Variants in TSEN2 observed in about 807,000 individuals in gnomAD.
TSEN2 encodes tRNA splicing endonuclease subunit 2.
In TSEN2, 54 loss-of-function variants were observed where a neutral mutation model predicts 59.2. That is an observed-to-expected ratio of 0.91 (90% confidence interval 0.73 to 1.14). The LOEUF (loss-of-function observed/expected upper bound fraction) is 1.14, where lower values mean the gene tolerates loss of function less well. TSEN2 is among the 50% of genes most tolerant of loss of function. The pLI is 0.00. For synonymous variants in TSEN2, 195 were observed against 198.2 expected (o/e 0.98, Z 0.14); for missense variants, 636 against 576.2 (o/e 1.10, Z -1.06).
chr3:12,530,059 C>A, intron 10 of TSEN2, 186 bp downstream of exon 10: 2 of 1,434,590 alleles, frequency 1.4e-6, no homozygotes, highest in Non-Finnish European at 9.1e-7. Flanking sequence ...GTCCTCCCCT[C>A]ATGTTACATT....
At chr3:12,485,400 G>A (rs969032094) in intron 1 of TSEN2, among the ~76,000 whole-genome samples, 6 of 78 alleles carry the variant, frequency 0.077, no homozygotes, top group Middle Eastern at 0.5. Flanking sequence ...CAGCTCTGGA[G>A]TCAGGTTGCG....
intron 4 of TSEN2, among the ~76,000 whole-genome samples, chr3:12,496,906 T>A (rs1050055646): frequency 3.9e-5 from 6 of 152,318 alleles, no homozygotes; most frequent in African/African-American, 1.4e-4. Context: ...TTCCTCCAGC[T>A]ACACTGTAGG....
At chr3:12,517,483 G>A (rs903167121) in intron 7 of TSEN2, among the ~76,000 whole-genome samples, 4 of 151,918 alleles carry the variant, frequency 2.6e-5, no homozygotes, top group African/African-American at 4.8e-5. Flanking sequence ...TAACTCCAAA[G>A]CCCATGACTT....
At chr3:12,524,459 C>T (rs760918006) in intron 8 of TSEN2, among the ~76,000 whole-genome samples, 3 of 152,094 alleles carry the variant, frequency 2.0e-5, no homozygotes, top group Non-Finnish European at 4.4e-5. Flanking sequence ...TTCTTGTGGC[C>T]CCAGGCGTTT....
At chr3:12,531,175 C>T in intron 10 of TSEN2, 1 of 200,788 alleles carries the variant, frequency 5.0e-6, no homozygotes, top group Non-Finnish European at 1.0e-5. Context: ...CCACGAGGTC[C>T]CTCCATGACA....
In TSEN2 at chr3:12,503,420, G is replaced by A. The variant is rs750726691; in HGVS notation, c.467G>A (p.Gly156Glu). The change falls in exon 5 of 12, where the codon GGA becomes GAA. Residue 156 changes from glycine to glutamate, a missense_variant. Coordinates refer to ENST00000284995, the MANE Select transcript of TSEN2 (RefSeq NM_025265.4). ...EAQVHDKLNS[G>E]MVSNMEGTAG... is the part of the protein sequence containing the mutation. Reference sequence around the variant, plus strand: ...CAAGTGCATGACAAGCTTAACTCTGGAATGGTTTCCAACATGGAAGGCACA... The same window carrying A: ...CAAGTGCATGACAAGCTTAACTCTGAAATGGTTTCCAACATGGAAGGCACA... 1.2e-6 allele frequency: 2 copies of A among 1,614,162 alleles called. No individual in the cohort carries two copies. The highest frequency in any genetic ancestry group is 2.2e-5 in the South Asian group (2 of 91,082).
upstream of TSEN2, among the ~76,000 whole-genome samples, chr3:12,481,921 G>C (rs2052198073): frequency 1.1e-5 from 1 of 93,032 alleles, no homozygotes. Context: ...GTGTGTGTCT[G>C]CGTATATATA....
chr3:12,517,583 A>G (rs926163179), intron 7 of TSEN2, among the ~76,000 whole-genome samples: 3 of 152,176 alleles, frequency 2.0e-5, no homozygotes, highest in Non-Finnish European at 2.9e-5. Flanking sequence ...CAGAACAGTA[A>G]ATGGAGCAGA....
At chr3:12,491,724 C>T (rs1052212634) in intron 2 of TSEN2, among the ~76,000 whole-genome samples, 23 of 152,284 alleles carry the variant, frequency 1.5e-4, no homozygotes, top group African/African-American at 5.1e-4. Flanking sequence ...TGGGGCGAAC[C>T]TCTTGTTAAC....
At position 12,484,571 on chromosome 3, in the gene TSEN2, G is replaced by T. The variant is rs1195234313; in HGVS notation, c.-327G>T. ...CCCTTTCCGAGTTTGGTGTTTTGCA[G>T]CGAAAGGAAATCTCGCTCTTCCGAA... On this transcript the variant is annotated 5_prime_UTR_variant, in exon 1 of 12. Coordinates refer to ENST00000284995, the MANE Select transcript of TSEN2 (RefSeq NM_025265.4). The T allele has an allele frequency of 1.3e-5, 2 of 152,340 alleles. No individual in the cohort carries two copies. The highest frequency in any genetic ancestry group is 6.5e-5 in the Admixed American group (1 of 15,288). The allele number at this position is 152,340 out of a possible 1,614,324, so 9.4% of individuals were successfully genotyped here. A position where few individuals can be genotyped will look rare whatever the true frequency, so the allele number is the denominator to read the frequency against.
At chr3:12,511,484 C>A (rs1429500550) in intron 6 of TSEN2, among the ~76,000 whole-genome samples, 1 of 151,924 alleles carries the variant, frequency 6.6e-6, no homozygotes, top group African/African-American at 2.4e-5. Flanking sequence ...AGCTAAAATC[C>A]CATCTCCTAA....
intron 1 of TSEN2, 75 bp from the exon 2 acceptor site, chr3:12,489,709 C>T: frequency 7.9e-7 from 1 of 1,266,956 alleles, no homozygotes. Flanking sequence ...AGCCTAGGTA[C>T]AGATGTACTC....
upstream of TSEN2, among the ~76,000 whole-genome samples, chr3:12,480,749 G>T (rs1382991901): frequency 6.6e-6 from 1 of 151,896 alleles, no homozygotes; most frequent in Non-Finnish European, 1.5e-5. Context: ...GGCCAGGCTG[G>T]TCTTGAACTC....
chr3:12,518,348 G>T (rs535849140), intron 7 of TSEN2, among the ~76,000 whole-genome samples: 1 of 152,276 alleles, frequency 6.6e-6, no homozygotes, highest in East Asian at 1.9e-4. Context: ...CTCACTAAGG[G>T]TCTGTGAAAT....
chr3:12,539,619 A>G (rs2125283881), downstream of TSEN2: 1 of 162,052 alleles, frequency 6.2e-6, no homozygotes, highest in South Asian at 1.6e-4. Flanking sequence ...ATGTGCTACC[A>G]CTTTATGCTG....
chr3:12,537,052 A>G (rs887035359), downstream of TSEN2, among the ~76,000 whole-genome samples: 1 of 151,524 alleles, frequency 6.6e-6, no homozygotes, highest in African/African-American at 2.4e-5. Context: ...GAGAGAAGAA[A>G]TATGAGGCCA....
intron 6 of TSEN2, chr3:12,506,964 G>A (rs2054904960): frequency 1.7e-6 from 1 of 604,504 alleles, no homozygotes; most frequent in Non-Finnish European, 2.1e-6. Flanking sequence ...GGAGGCCGAG[G>A]CGGGTGGATC....
rs537513062 is a variant in TSEN2 at position 12,485,298 on chromosome 3, T to C, written c.-18+418T>C. On this transcript the variant is annotated intron_variant, in intron 1 of 11. Transcript: ENST00000284995. ...ACCTCTCCCTTTTTTGTTTTTCTAATAGACATTTACCATCACCTAAGAGGT... is the reference window on the plus strand; with the variant it reads ...ACCTCTCCCTTTTTTGTTTTTCTAACAGACATTTACCATCACCTAAGAGGT... 6.6e-5 allele frequency among the ~76,000 whole-genome samples: 10 copies of C among 152,320 alleles called. 2 individuals carry two copies. In the South Asian group the frequency reaches 2.1e-3, roughly 32 times the overall value.
intron 1 of TSEN2, among the ~76,000 whole-genome samples, chr3:12,488,591 G>T (rs1012504193): frequency 6.6e-6 from 1 of 152,134 alleles, no homozygotes; most frequent in East Asian, 1.9e-4. Flanking sequence ...AGCCAGTTCC[G>T]TTAGCTCCAA....
Sources: gnomAD v4.1 joint callset for allele counts (sites outside exome capture counted in the v4.1 genomes callset) on GRCh38, gnomAD v4.1.1 for gene constraint, MANE v1.5 for transcripts, NCBI Gene and HGNC (gene_info 2026-07-23, HGNC 2026-07-21) for gene names.